REPS2: variants seen among roughly 807,000 people sequenced by gnomAD.
The protein encoded by REPS2 is ralBP1-associated Eps domain-containing protein 2.
A neutral mutation model predicts 53.6 loss-of-function variants in REPS2; 23 were observed. That is an observed-to-expected ratio of 0.43 (90% confidence interval 0.31 to 0.61). The LOEUF is 0.61. REPS2 is among the 20% of genes least tolerant of loss of function. The pLI is 0.11. For missense variants in REPS2, 446 were observed against 534.9 expected, an observed-to-expected ratio of 0.83 and a Z score of 1.64; for synonymous variants, 238 against 218.6, an observed-to-expected ratio of 1.09 and a Z score of -0.78.
At chrX:17,133,748 T>C (rs1178945190) in intron 14 of REPS2, 76 bp from the exon 15 acceptor site, 1 of 889,747 alleles carries the variant, frequency 1.1e-6, no homozygotes, top group African/African-American at 2.0e-5. Flanking sequence ...GTGACTATCT[T>C]CCTAAGTGCT....
intron 1 of REPS2, among the ~76,000 whole-genome samples, chrX:16,953,100 AACACACACACACACACAC>A (rs68090119): frequency 0.12 from 11,304 of 97,089 alleles, 661 homozygotes; most frequent in East Asian, 0.36. Flanking sequence ...CCAAAAAACA[AACACACACACACACACAC>A]ACACACACAC....
chrX:16,957,496 A>C (rs1348160933), intron 1 of REPS2, among the ~76,000 whole-genome samples: 1 of 111,828 alleles, frequency 8.9e-6, no homozygotes, highest in African/African-American at 3.2e-5. Flanking sequence ...CATATTTAAT[A>C]CAATAATCTC....
chrX:17,167,467 T>C, the REPS2 span, among the ~76,000 whole-genome samples: 3 of 110,484 alleles, frequency 2.7e-5, no homozygotes. Flanking sequence ...CCTTCCCTAC[T>C]TAACTGTTGT....
At chrX:16,951,547 ACACACACACACACC>A (rs764630403) in intron 1 of REPS2, among the ~76,000 whole-genome samples, 4,591 of 39,292 alleles carry the variant, frequency 0.12, 208 homozygotes, top group Middle Eastern at 0.19. Flanking sequence ...ACACACACAC[ACACACACACACACC>A]CCCGCTACCT....
chrX:17,102,634 A>G (rs2062824470), intron 13 of REPS2, among the ~76,000 whole-genome samples: 1 of 112,468 alleles, frequency 8.9e-6, no homozygotes, highest in Non-Finnish European at 1.9e-5. Flanking sequence ...ATATCCATGC[A>G]CTGGCTCAAA....
At chrX:17,039,734 G>A (rs1384235393) in intron 5 of REPS2, among the ~76,000 whole-genome samples, 1 of 112,233 alleles carries the variant, frequency 8.9e-6, no homozygotes, top group Non-Finnish European at 1.9e-5. Flanking sequence ...GCTCTACCAT[G>A]TGCCATAGGT....
At chrX:17,132,451 C>T (rs747380500) in intron 14 of REPS2, among the ~76,000 whole-genome samples, 32 of 112,912 alleles carry the variant, frequency 2.8e-4, no homozygotes, top group African/African-American at 9.3e-4. Context: ...CAGACAGTCC[C>T]TCTTTCTGGG....
chrX:17,029,734 A>T, intron 5 of REPS2, 111 bp downstream of exon 5: 1 of 478,040 alleles, frequency 2.1e-6, no homozygotes, highest in South Asian at 3.4e-5. Context: ...TATAAAACTG[A>T]TCCTTCATGC....
chrX:17,125,940 G>T (rs1402923284), intron 14 of REPS2, among the ~76,000 whole-genome samples: 1 of 112,038 alleles, frequency 8.9e-6, no homozygotes, highest in African/African-American at 3.2e-5. Context: ...CTTTGCAGTG[G>T]CCCAGGTGAT....
chrX:17,165,184 G>T, the REPS2 span, among the ~76,000 whole-genome samples: 4 of 111,970 alleles, frequency 3.6e-5, no homozygotes, highest in African/African-American at 1.3e-4. Context: ...TTACTAAGCA[G>T]CCCTGATTCA....
At chrX:17,105,103 G>GTAAA (rs1211917108) in intron 14 of REPS2, among the ~76,000 whole-genome samples, 1 of 110,503 alleles carries the variant, frequency 9.0e-6, no homozygotes, top group Non-Finnish European at 1.9e-5. Flanking sequence ...GGCATAGCTA[G>GTAAA]TAAATAGTAG....
intron 2 of REPS2, among the ~76,000 whole-genome samples, chrX:17,017,531 T>A (rs1337013420): frequency 9.1e-6 from 1 of 110,095 alleles, no homozygotes; most frequent in Non-Finnish European, 1.9e-5. Flanking sequence ...TATCTTAATT[T>A]GGGAATTTGG....
chrX:17,094,225 C>T (rs2062666337), intron 13 of REPS2, among the ~76,000 whole-genome samples: 1 of 111,987 alleles, frequency 8.9e-6, no homozygotes, highest in Non-Finnish European at 1.9e-5. Context: ...CTTGGATATA[C>T]AATCATCAGT....
At position 16,972,588 on chromosome X, in the gene REPS2, T is replaced by G. The variant is rs1308613154; in HGVS notation, c.273+25454T>G. Among the ~76,000 whole-genome samples the G allele has an allele frequency of 4.5e-5, 5 of 111,874 alleles. No homozygotes were observed. In the East Asian group the frequency reaches 1.4e-3, roughly 31 times the overall value. ...CCTTTCCCAGAGTCTATTGTATAAA[T>G]TAACCTTCTTCCTGTAGTCACTCTA... On this transcript the variant is annotated intron_variant, in intron 1 of 17. Coordinates refer to ENST00000357277, the MANE Select transcript of REPS2 (RefSeq NM_004726.3).
chrX:17,017,387 A>G (rs1259903731), intron 2 of REPS2, among the ~76,000 whole-genome samples: 1 of 112,356 alleles, frequency 8.9e-6, no homozygotes, highest in African/African-American at 3.2e-5. Flanking sequence ...TGTCACAAGA[A>G]CAAATACTGT....
intron 14 of REPS2, among the ~76,000 whole-genome samples, chrX:17,106,540 A>G (rs1175868990): frequency 9.2e-6 from 1 of 108,566 alleles, no homozygotes; most frequent in African/African-American, 3.4e-5. Flanking sequence ...CAGCCTCCCG[A>G]GTAGCTGGGA....
intron 14 of REPS2, among the ~76,000 whole-genome samples, chrX:17,124,685 C>T (rs112635437): frequency 0.025 from 2,737 of 110,626 alleles, 91 homozygotes; most frequent in African/African-American, 0.087. Flanking sequence ...GGATTGTCTT[C>T]TTGTCTGCCT....
At chrX:17,025,738 A>G (rs1367420332) in intron 4 of REPS2, among the ~76,000 whole-genome samples, 4 of 111,516 alleles carry the variant, frequency 3.6e-5, no homozygotes, top group Non-Finnish European at 3.8e-5. Context: ...CTTCTTGCTC[A>G]CATTTATGCT....
intron 1 of REPS2, among the ~76,000 whole-genome samples, chrX:16,965,133 G>C (rs1443547879): frequency 1.1e-5 from 1 of 90,104 alleles, no homozygotes; most frequent in Admixed American, 1.1e-4. Flanking sequence ...CTGGCCGGGT[G>C]GGGGGCTGAC....
Sources: gnomAD v4.1 joint callset for allele counts (sites outside exome capture counted in the v4.1 genomes callset) on GRCh38, gnomAD v4.1.1 for gene constraint, MANE v1.5 for transcripts, NCBI Gene and HGNC (gene_info 2026-07-23, HGNC 2026-07-21) for gene names.